Variants in RALYL observed in about 807,000 individuals in gnomAD.
The protein encoded by RALYL is RNA-binding Raly-like protein.
In RALYL, 29 loss-of-function variants were observed where a neutral mutation model predicts 35.1. The ratio of observed to expected loss-of-function variants is 0.83; its 90% CI spans 0.61 to 1.13. The LOEUF (loss-of-function observed/expected upper bound fraction) is 1.13, where lower values mean the gene tolerates loss of function less well. Ranked by LOEUF, RALYL falls within the 50% of genes most tolerant of loss-of-function variation. The pLI, the probability that RALYL is intolerant of heterozygous loss-of-function variation, is 0.00. For synonymous variants in RALYL, 120 were observed against 127.6 expected (o/e 0.94, Z 0.40); for missense variants, 359 against 360.4 (o/e 1.00, Z 0.03).
intron 1 of RALYL, among the ~76,000 whole-genome samples, chr8:84,196,914 A>G (rs1315658460): frequency 6.6e-6 from 1 of 152,188 alleles, no homozygotes; most frequent in Non-Finnish European, 1.5e-5. Flanking sequence ...CAAGATGGCC[A>G]CTTTTACTAA....
At chr8:84,466,955 G>T (rs966492649) in intron 1 of RALYL, among the ~76,000 whole-genome samples, 1 of 152,038 alleles carries the variant, frequency 6.6e-6, no homozygotes, top group African/African-American at 2.4e-5. Flanking sequence ...ATTCCCTGAT[G>T]GTAGTTTGTA....
chr8:84,909,537 G>T (rs772359105), intron 8 of RALYL, among the ~76,000 whole-genome samples: 1 of 152,118 alleles, frequency 6.6e-6, no homozygotes, highest in Non-Finnish European at 1.5e-5. Flanking sequence ...GATGTTGAGA[G>T]CTTAGGCATG....
At chr8:84,795,864 G>A (rs1170569819) in intron 3 of RALYL, among the ~76,000 whole-genome samples, 2 of 152,092 alleles carry the variant, frequency 1.3e-5, no homozygotes, top group Non-Finnish European at 2.9e-5. Flanking sequence ...GCTTTTAAAG[G>A]AATGTTTATT....
intron 4 of RALYL, among the ~76,000 whole-genome samples, chr8:84,814,424 T>C (rs956639880): frequency 2.6e-5 from 4 of 152,092 alleles, no homozygotes; most frequent in Non-Finnish European, 5.9e-5. Context: ...TGATGAATAC[T>C]AGTAATTGTC....
intron 2 of RALYL, among the ~76,000 whole-genome samples, chr8:84,745,995 T>C (rs1412452512): frequency 1.3e-5 from 2 of 152,068 alleles, no homozygotes; most frequent in Admixed American, 1.3e-4. Flanking sequence ...TGATATTAAC[T>C]AGGATAAAGA....
At chr8:84,448,328 CAG>C (rs574452483) in intron 1 of RALYL, among the ~76,000 whole-genome samples, 6 of 151,932 alleles carry the variant, frequency 3.9e-5, no homozygotes, top group Non-Finnish European at 8.8e-5. Flanking sequence ...CTGTGGTGGG[CAG>C]AGAGTTTAAG....
At chr8:84,705,394 T>C (rs568256403) in intron 2 of RALYL, among the ~76,000 whole-genome samples, 111 of 152,250 alleles carry the variant, frequency 7.3e-4, no homozygotes, top group African/African-American at 2.5e-3. Flanking sequence ...CCTGAGAACC[T>C]ATTGTGTGCA....
rs548833072 is a variant in RALYL at position 84,827,512 on chromosome 8, T to C, written c.366-22468T>C. 7.6e-4 allele frequency among the ~76,000 whole-genome samples: 116 copies of C among 152,266 alleles called. 1 individual carries two copies. In the South Asian group the frequency reaches 0.022, roughly 29 times the overall value. ...TCACATGAATAGACTTATTGTAACA[T>C]GGAATGCTCAAGATTAGTGCCAGTA... On this transcript the variant is annotated intron_variant, in intron 4 of 8. Transcript: ENST00000521268.
chr8:84,269,928 C>T (rs1441419810), intron 1 of RALYL, among the ~76,000 whole-genome samples: 1 of 151,818 alleles, frequency 6.6e-6, no homozygotes, highest in Non-Finnish European at 1.5e-5. Context: ...TTTAACATTT[C>T]CAAAATTTTA....
chr8:84,806,268 A>T (rs1371602524), intron 4 of RALYL, among the ~76,000 whole-genome samples: 1 of 152,202 alleles, frequency 6.6e-6, no homozygotes, highest in East Asian at 1.9e-4. Context: ...GTGATAAAGC[A>T]TGCTTTTTTC....
chr8:84,470,458 G>T (rs1364139795), intron 1 of RALYL, among the ~76,000 whole-genome samples: 2 of 137,866 alleles, frequency 1.5e-5, no homozygotes, highest in African/African-American at 2.7e-5. Flanking sequence ...AGGTGTGACT[G>T]ATTGTATGGG....
At chr8:84,607,177 C>T (rs558923247) in intron 2 of RALYL, among the ~76,000 whole-genome samples, 1 of 151,990 alleles carries the variant, frequency 6.6e-6, no homozygotes. Flanking sequence ...CTTTTCCCCC[C>T]CCTTTTCTTC....
At chr8:84,710,574 T>TAATATTTCGTCCACTAAGCCAATCACAAG (rs1456498102) in intron 2 of RALYL, among the ~76,000 whole-genome samples, 1,532 of 152,166 alleles carry the variant, frequency 0.01, 22 homozygotes, top group African/African-American at 0.035. Context: ...AGTGCTGGGA[T>TAATATTTCGTCCACTAAGCCAATCACAAG]TACAGTTGTG....
At chr8:84,646,107 A>G (rs1375060452) in intron 2 of RALYL, among the ~76,000 whole-genome samples, 1 of 151,930 alleles carries the variant, frequency 6.6e-6, no homozygotes, top group Non-Finnish European at 1.5e-5. Flanking sequence ...GGCTCCAGAT[A>G]TGCAAATCTC....
At chr8:84,764,609 T>C (rs1315763144) in intron 2 of RALYL, among the ~76,000 whole-genome samples, 2 of 152,174 alleles carry the variant, frequency 1.3e-5, no homozygotes, top group Non-Finnish European at 2.9e-5. Flanking sequence ...CATGGAGAAT[T>C]TTCTGGTAAC....
At chr8:84,677,421 A>G (rs1176271759) in intron 2 of RALYL, among the ~76,000 whole-genome samples, 1 of 152,212 alleles carries the variant, frequency 6.6e-6, no homozygotes, top group Non-Finnish European at 1.5e-5. Context: ...AAAAGGAAAT[A>G]AAAGTATAAA....
At chr8:84,401,812 ATTGCAGTAAAACTTTTTTT>A (rs1218490161) in intron 1 of RALYL, among the ~76,000 whole-genome samples, 1 of 151,440 alleles carries the variant, frequency 6.6e-6, no homozygotes, top group African/African-American at 2.4e-5. Flanking sequence ...CCTGACAGAC[ATTGCAGTAAAACTTTTTTT>A]TTTTTTCTGA....
intron 1 of RALYL, among the ~76,000 whole-genome samples, chr8:84,393,842 A>C (rs1861227325): frequency 6.6e-6 from 1 of 152,158 alleles, no homozygotes; most frequent in African/African-American, 2.4e-5. Flanking sequence ...ATTAAACACA[A>C]TAATGAATAT....
chr8:84,546,674 G>T (rs1007015029), intron 2 of RALYL, among the ~76,000 whole-genome samples: 4 of 152,106 alleles, frequency 2.6e-5, no homozygotes, highest in African/African-American at 9.7e-5. Context: ...CTTTTTTGGA[G>T]AAATCTTATA....
Sources: allele counts gnomAD v4.1 joint callset (sites outside exome capture counted in the v4.1 genomes callset), GRCh38; gene constraint gnomAD v4.1.1; transcripts MANE v1.5; gene names NCBI Gene and HGNC (gene_info 2026-07-23, HGNC 2026-07-21).